CYP7B1: variants seen among roughly 807,000 people sequenced by gnomAD.
The protein encoded by CYP7B1 is cytochrome P450 family 7 subfamily B member 1, also known as cytochrome P450 7B1.
Under a neutral mutation model 42.7 loss-of-function variants are expected in CYP7B1, and 29 were observed. The ratio of observed to expected loss-of-function variants is 0.68; its 90% CI spans 0.51 to 0.93. CYP7B1 has a LOEUF of 0.93. Among genes scored for constraint, CYP7B1 ranks in the 40% least tolerant of loss-of-function variants. CYP7B1 has a pLI of 0.00. For synonymous variants in CYP7B1, 235 were observed against 218.2 expected, an observed-to-expected ratio of 1.08 and a Z score of -0.68; for missense variants, 655 against 600.5, an observed-to-expected ratio of 1.09 and a Z score of -0.95.
chr8:64,732,407 G>T (rs1807425839), intron 1 of CYP7B1, among the ~76,000 whole-genome samples: 2 of 152,054 alleles, frequency 1.3e-5, no homozygotes, highest in Admixed American at 6.6e-5. Context: ...TCTTTGTTTT[G>T]GCCAATTTCT....
chr8:64,778,628 T>C (rs1384279146), intron 1 of CYP7B1, among the ~76,000 whole-genome samples: 2 of 152,130 alleles, frequency 1.3e-5, no homozygotes, highest in African/African-American at 4.8e-5. Flanking sequence ...CTGTCTATAA[T>C]TAATTCCCAG....
chr8:64,653,028 A>G (rs1806063930), intron 1 of CYP7B1, among the ~76,000 whole-genome samples: 1 of 152,198 alleles, frequency 6.6e-6, no homozygotes, highest in South Asian at 2.1e-4. Flanking sequence ...ACAGCACTAA[A>G]TATCCACATC....
chr8:64,673,412 A>C (rs1806396168), intron 1 of CYP7B1, among the ~76,000 whole-genome samples: 1 of 152,166 alleles, frequency 6.6e-6, no homozygotes, highest in East Asian at 1.9e-4. Flanking sequence ...ACTGTGAACA[A>C]GATAATAGGT....
intron 1 of CYP7B1, among the ~76,000 whole-genome samples, chr8:64,741,552 C>A (rs897298356): frequency 6.6e-6 from 1 of 152,136 alleles, no homozygotes; most frequent in African/African-American, 2.4e-5. Flanking sequence ...CTCCTGACCT[C>A]AGGTGATCCC....
intron 4 of CYP7B1, among the ~76,000 whole-genome samples, chr8:64,607,155 A>G (rs1043151067): frequency 1.3e-5 from 2 of 152,204 alleles, no homozygotes; most frequent in Admixed American, 1.3e-4. Context: ...TAACCAAGCA[A>G]CAAATGAACA....
intron 1 of CYP7B1, among the ~76,000 whole-genome samples, chr8:64,657,071 AGT>A (rs1019911005): frequency 8.5e-5 from 13 of 152,126 alleles, no homozygotes; most frequent in African/African-American, 2.9e-4. Flanking sequence ...AAAAAAAAGC[AGT>A]GTGAAAAACA....
chr8:64,798,683 C>G lies in CYP7B1; in HGVS notation c.-96G>C. ...CCTGCGGCGGCTTCTCTCGGCGGCGCCCCCTAGTCCAGGGCCGGAGAGGCT... is the reference window on the plus strand; with the variant it reads ...CCTGCGGCGGCTTCTCTCGGCGGCGGCCCCTAGTCCAGGGCCGGAGAGGCT... On this transcript the variant is annotated 5_prime_UTR_variant, in exon 1 of 6. Coordinates refer to ENST00000310193, the MANE Select transcript of CYP7B1 (RefSeq NM_004820.5). The G allele has an allele frequency of 7.4e-7, 1 of 1,343,584 alleles. No individual in the cohort carries two copies. Among genetic ancestry groups the G allele is most frequent in the Non-Finnish European group, 9.6e-7 (1 of 1,036,914 alleles). 83.2% of individuals were successfully genotyped at this position (1,343,584 alleles called of 1,614,324 possible).
chr8:64,719,394 G>T (rs908035494), intron 1 of CYP7B1, among the ~76,000 whole-genome samples: 6 of 152,148 alleles, frequency 3.9e-5, no homozygotes, highest in Non-Finnish European at 8.8e-5. Context: ...TGTCTGTCAA[G>T]ATATTAACAA....
chr8:64,706,037 C>A (rs1806994092), intron 1 of CYP7B1, among the ~76,000 whole-genome samples: 1 of 151,834 alleles, frequency 6.6e-6, no homozygotes, highest in Non-Finnish European at 1.5e-5. Flanking sequence ...TTTTTATTTA[C>A]ATAAGAACTA....
chr8:64,678,641 T>G (rs1386348721), intron 1 of CYP7B1, among the ~76,000 whole-genome samples: 1 of 152,192 alleles, frequency 6.6e-6, no homozygotes, highest in Non-Finnish European at 1.5e-5. Flanking sequence ...CGGGTGCTCC[T>G]TGCCTGCTGG....
At chr8:64,745,033 G>A (rs1036244802) in intron 1 of CYP7B1, among the ~76,000 whole-genome samples, 5 of 152,078 alleles carry the variant, frequency 3.3e-5, no homozygotes, top group Admixed American at 6.6e-5. Flanking sequence ...GGAGAGATTC[G>A]TTAATTGCTT....
intron 1 of CYP7B1, among the ~76,000 whole-genome samples, chr8:64,761,969 A>G (rs1384230361): frequency 6.6e-6 from 1 of 152,194 alleles, no homozygotes; most frequent in African/African-American, 2.4e-5. Context: ...AAGGTTTATG[A>G]GAGAAGCAGG....
chr8:64,634,299 G>A (rs1294574314), intron 1 of CYP7B1, among the ~76,000 whole-genome samples: 1 of 152,094 alleles, frequency 6.6e-6, no homozygotes, highest in African/African-American at 2.4e-5. Flanking sequence ...GCTGGGTGTG[G>A]TGGCTCACAC....
At chr8:64,741,986 T>G (rs187661050) in intron 1 of CYP7B1, among the ~76,000 whole-genome samples, 34 of 152,314 alleles carry the variant, frequency 2.2e-4, no homozygotes, top group Middle Eastern at 3.4e-3. Context: ...TTTGTAGATA[T>G]CAACAGAGGC....
At chr8:64,715,536 A>G (rs1443497993) in intron 1 of CYP7B1, among the ~76,000 whole-genome samples, 1 of 152,218 alleles carries the variant, frequency 6.6e-6, no homozygotes, top group Non-Finnish European at 1.5e-5. Flanking sequence ...TATAGAGAAG[A>G]GGAAAGAACA....
At chr8:64,642,581 T>C (rs932693695) in intron 1 of CYP7B1, among the ~76,000 whole-genome samples, 4 of 152,206 alleles carry the variant, frequency 2.6e-5, no homozygotes, top group African/African-American at 9.7e-5. Flanking sequence ...GAACAAACCA[T>C]TGTTGAACAA....
chr8:64,767,018 G>A lies in CYP7B1; in HGVS notation c.122+31448C>T, dbSNP rs547529729. 2.1e-4 allele frequency among the ~76,000 whole-genome samples: 32 copies of A among 152,244 alleles called. No homozygotes were observed. The South Asian group carries it at 6.6e-3, about 32-fold the overall frequency. On this transcript the variant is annotated intron_variant, in intron 1 of 5. Transcript: ENST00000310193. Reference sequence around the variant, plus strand: ...TCCCAGCCACTAAGTTGTGACTGGGGAACTTTACTCTTTTCACATGCCTTT... The same window carrying A: ...TCCCAGCCACTAAGTTGTGACTGGGAAACTTTACTCTTTTCACATGCCTTT...
chr8:64,783,126 T>C (rs1298884589), intron 1 of CYP7B1, among the ~76,000 whole-genome samples: 1 of 152,224 alleles, frequency 6.6e-6, no homozygotes, highest in Non-Finnish European at 1.5e-5. Flanking sequence ...AAAATAACTT[T>C]ACTCTCAGCT....
intron 3 of CYP7B1, among the ~76,000 whole-genome samples, 161 bp downstream of exon 3, chr8:64,615,530 A>T (rs980970416): frequency 1.3e-5 from 2 of 151,890 alleles, no homozygotes; most frequent in African/African-American, 4.8e-5. Flanking sequence ...AAAAAAAAAA[A>T]AAATATCAAT....
Sources: allele counts gnomAD v4.1 joint callset (sites outside exome capture counted in the v4.1 genomes callset), GRCh38; gene constraint gnomAD v4.1.1; transcripts MANE v1.5; gene names NCBI Gene and HGNC (gene_info 2026-07-23, HGNC 2026-07-21).